The following ACOT11 variants were observed in gnomAD, a reference collection of about 807,000 sequenced individuals.
The protein encoded by ACOT11 is acyl-CoA thioesterase 11.
A neutral mutation model predicts 77.5 loss-of-function variants in ACOT11; 69 were observed. That is an observed-to-expected ratio of 0.89 (90% CI 0.73 to 1.09). The LOEUF is 1.09. ACOT11 is among the 50% of genes least tolerant of loss of function. ACOT11 has a pLI of 0.00. For synonymous variants in ACOT11, 279 were observed against 313.0 expected (o/e 0.89, Z 1.15); for missense variants, 766 against 813.7 (o/e 0.94, Z 0.71).
At position 54,599,282 on chromosome 1, in the gene ACOT11, C is replaced by T. The variant is rs543774190; in HGVS notation, c.765-14C>T. The T allele has an allele frequency of 1.3e-6, 2 of 1,530,906 alleles. No individual in the cohort carries two copies. Among genetic ancestry groups the T allele is most frequent in the South Asian group, 2.5e-5 (2 of 79,354 alleles). 94.8% of individuals were successfully genotyped at this position (1,530,906 alleles called of 1,614,324 possible). A position where few individuals can be genotyped will look rare whatever the true frequency, so the allele number is the denominator to read the frequency against. ...AGGGGCATTCCTTCTGTCTCCCCAC[C>T]CCTGCCTCCTCAGCCGGCTCTGCCG... On this transcript the variant is annotated splice_polypyrimidine_tract_variant and intron_variant, in intron 7 of 15. Coordinates refer to ENST00000343744, the MANE Select transcript of ACOT11 (RefSeq NM_147161.4).
At chr1:54,614,939 G>GGGGTGT (rs1553165710), downstream of ACOT11, 43 of 1,210,184 alleles carry the variant, frequency 3.6e-5, no homozygotes, top group African/African-American at 1.0e-4. Flanking sequence ...AAGCAGAGCG[G>GGGGTGT]GTGTGTGTGT....
At chr1:54,621,705 GGAGGGCA>G (rs1379110167) in intron 15 of ACOT11, 9 of 152,878 alleles carry the variant, frequency 5.9e-5, no homozygotes, top group Middle Eastern at 3.1e-3. Flanking sequence ...CTGGAGGGCT[GGAGGGCA>G]GAGGGCAGAA....
At chr1:54,622,090 A>G (rs1258840479) in intron 15 of ACOT11, among the ~76,000 whole-genome samples, 1 of 151,670 alleles carries the variant, frequency 6.6e-6, no homozygotes. Flanking sequence ...CCTGGCCAAC[A>G]TGGTGAAACC....
At chr1:54,624,559 G>T (rs183983378) in intron 15 of ACOT11, among the ~76,000 whole-genome samples, 40 of 152,238 alleles carry the variant, frequency 2.6e-4, no homozygotes, top group African/African-American at 9.6e-4. Flanking sequence ...AGGGATGGAG[G>T]CTGACTTCTG....
chr1:54,637,309 C>T (rs543543722), exon 17 of ACOT11: 2 of 152,256 alleles, frequency 1.3e-5, no homozygotes, highest in East Asian at 3.9e-4. Flanking sequence ...ATGGTGAAAC[C>T]CCTTCTCTAC....
At chr1:54,579,311 C>T (rs1303018216) in intron 1 of ACOT11, among the ~76,000 whole-genome samples, 2 of 152,158 alleles carry the variant, frequency 1.3e-5, no homozygotes, top group Non-Finnish European at 2.9e-5. Flanking sequence ...ACAATCCTCT[C>T]CTCTCTTATT....
chr1:54,562,312 G>T (rs1653542094), intron 1 of ACOT11, among the ~76,000 whole-genome samples: 1 of 109,378 alleles, frequency 9.1e-6, no homozygotes, highest in African/African-American at 4.1e-5. Flanking sequence ...GGCCGGGTGG[G>T]GGGGCTGACC....
chr1:54,552,974 T>A (rs1653123899), intron 1 of ACOT11, among the ~76,000 whole-genome samples: 1 of 151,530 alleles, frequency 6.6e-6, no homozygotes, highest in Non-Finnish European at 1.5e-5. Flanking sequence ...ATTACAGGCA[T>A]GTGCCACCAT....
chr1:54,611,156 C>T (rs1292265858), downstream of ACOT11: 1 of 539,380 alleles, frequency 1.9e-6, no homozygotes, highest in Non-Finnish European at 2.4e-6. Context: ...ATGTGTGGGT[C>T]AGGCAGGTGG....
chr1:54,637,764 G>A (rs1055983114), exon 17 of ACOT11: 7 of 152,122 alleles, frequency 4.6e-5, no homozygotes, highest in African/African-American at 1.4e-4. Context: ...TCCAGCCGGG[G>A]TAAGAGAGCG....
chr1:54,599,181 AATATAT>A (rs1189803916), intron 7 of ACOT11, 109 bp from the exon 8 acceptor site: 173 of 34,028 alleles, frequency 5.1e-3, no homozygotes, highest in African/African-American at 9.0e-3. Flanking sequence ...AAAAAAAAAA[AATATAT>A]ATATATATAT....
At chr1:54,629,186 C>T (rs1288556035) in intron 15 of ACOT11, among the ~76,000 whole-genome samples, 1 of 133,804 alleles carries the variant, frequency 7.5e-6, no homozygotes, top group East Asian at 2.3e-4. Flanking sequence ...GAAAATAAGG[C>T]ACCATGGGTG....
At position 54,597,361 on chromosome 1, in the gene ACOT11, C is replaced by A. The variant is rs1251172441; in HGVS notation, c.710C>A (p.Thr237Asn). 1 of 1,613,892 alleles carries A rather than the reference C, an allele frequency of 6.2e-7. No individual in the cohort carries two copies. Among genetic ancestry groups the A allele is most frequent in the South Asian group, 1.1e-5 (1 of 91,040 alleles). ...CCCCACGCCAATCACCAGGGCAACA[C>A]CTTTGGGGGCCAGATCATGGCCTGG... ...LPPHANHQGN[T>N]FGGQIMAWME... The change falls in exon 7 of 16, where the codon ACC becomes AAC. Residue 237 changes from threonine (T) to asparagine (N), a missense_variant. Thr to Asn is a moderately conservative substitution (Grantham distance 65). Transcript: ENST00000343744.
intron 7 of ACOT11, chr1:54,598,433 T>A (rs1643914406): frequency 6.6e-6 from 1 of 152,296 alleles, no homozygotes. Context: ...CTCAGTATTC[T>A]AAACTATGAA....
chr1:54,582,028 C>T (rs556732636), intron 1 of ACOT11, among the ~76,000 whole-genome samples: 150 of 152,230 alleles, frequency 9.9e-4, no homozygotes, highest in Non-Finnish European at 1.4e-3. Flanking sequence ...CTTCTGCGCC[C>T]CTCTCTTTGA....
chr1:54,638,715 T>G (rs1644344379), exon 17 of ACOT11: 1 of 152,036 alleles, frequency 6.6e-6, no homozygotes, highest in African/African-American at 2.4e-5. Context: ...TAGAGACACT[T>G]TCACTGTGTT....
chr1:54,639,082 T>G (rs1247118628), exon 17 of ACOT11: 1 of 149,306 alleles, frequency 6.7e-6, no homozygotes, highest in African/African-American at 2.5e-5. Context: ...TAATCCCAGC[T>G]ACTTGGGAGG....
downstream of ACOT11, chr1:54,610,882 G>A (rs1433796247): frequency 8.1e-6 from 8 of 985,206 alleles, no homozygotes; most frequent in Middle Eastern, 5.2e-4. Context: ...GCTTAACTGC[G>A]GCTCTTCTGG....
intron 1 of ACOT11, among the ~76,000 whole-genome samples, chr1:54,550,103 A>G (rs1197635715): frequency 6.6e-6 from 1 of 152,222 alleles, no homozygotes; most frequent in Non-Finnish European, 1.5e-5. Context: ...GACTTGCCCA[A>G]GATCACACTG....
Sources: allele counts gnomAD v4.1 joint callset (sites outside exome capture counted in the v4.1 genomes callset), GRCh38; gene constraint gnomAD v4.1.1; transcripts MANE v1.5; gene names NCBI Gene and HGNC (gene_info 2026-07-23, HGNC 2026-07-21).